Variants in ANXA8 observed in about 807,000 individuals in gnomAD.
ANXA8 encodes the protein VAC-beta.
ANXA8 carries 9 observed loss-of-function variants against 26.8 expected under a neutral mutation model. The ratio of observed to expected loss-of-function variants is 0.34; its 90% CI spans 0.20 to 0.59. The LOEUF is 0.59. Ranked by LOEUF, ANXA8 falls within the 20% of genes least tolerant of loss-of-function variation. The probability of loss-of-function intolerance (pLI) is 0.84; values close to 1 mark genes in which losing one functional copy is unlikely to be tolerated. For missense variants in ANXA8, 83 were observed against 238.5 expected (o/e 0.35, Z 4.29); for synonymous variants, 39 against 94.8 (o/e 0.41, Z 3.42).
chr10:47,744,358 C>T, the ANXA8 span, among the ~76,000 whole-genome samples: 6 of 142,936 alleles, frequency 4.2e-5, no homozygotes, highest in Admixed American at 4.3e-4. Context: ...AGAAACGGCA[C>T]ATCCTCCCGG....
the ANXA8 span, chr10:47,706,904 T>A: frequency 1.8e-6 from 1 of 541,778 alleles, no homozygotes; most frequent in African/African-American, 1.9e-5. Flanking sequence ...CCCTTCAGAT[T>A]ATGTTAACTC....
the ANXA8 span, among the ~76,000 whole-genome samples, chr10:47,603,258 AAG>A: frequency 6.7e-6 from 1 of 148,516 alleles, no homozygotes; most frequent in Non-Finnish European, 1.5e-5. Context: ...AAAGGAGAAT[AAG>A]AGATTCTAAA....
chr10:47,469,245 G>T (rs1260643664), intron 11 of ANXA8, among the ~76,000 whole-genome samples: 22 of 123,820 alleles, frequency 1.8e-4, no homozygotes, highest in Admixed American at 1.3e-3. Flanking sequence ...TTACACAACA[G>T]GATGCATCAT....
chr10:47,901,758 A>C, the ANXA8 span, among the ~76,000 whole-genome samples: 1 of 143,626 alleles, frequency 7.0e-6, no homozygotes, highest in Non-Finnish European at 1.5e-5. Flanking sequence ...TTCTCAAATA[A>C]ATTATTTTTT....
At chr10:47,607,537 C>G in the ANXA8 span, among the ~76,000 whole-genome samples, 1 of 143,318 alleles carries the variant, frequency 7.0e-6, no homozygotes, top group Non-Finnish European at 1.5e-5. Context: ...TACAATCATC[C>G]ATTACTTTAT....
At chr10:47,558,260 G>A in the ANXA8 span, among the ~76,000 whole-genome samples, 1 of 151,824 alleles carries the variant, frequency 6.6e-6, no homozygotes, top group Non-Finnish European at 1.5e-5. Context: ...AACGTCATGG[G>A]TGGTGTGTCT....
the ANXA8 span, among the ~76,000 whole-genome samples, chr10:47,679,042 CA>C: frequency 0.022 from 1,451 of 64,642 alleles, no homozygotes; most frequent in Admixed American, 0.025. Context: ...GAACCTATCT[CA>C]AAAAAAAAAA....
At chr10:47,560,440 C>T in the ANXA8 span, among the ~76,000 whole-genome samples, 6 of 151,666 alleles carry the variant, frequency 4.0e-5, no homozygotes, top group East Asian at 7.8e-4. Context: ...TACCACTTCC[C>T]GTGAATTTAT....
At chr10:47,743,345 T>TATATATAC in the ANXA8 span, among the ~76,000 whole-genome samples, 6 of 96,544 alleles carry the variant, frequency 6.2e-5, 1 homozygote, top group African/African-American at 2.2e-4. Context: ...TATATACATA[T>TATATATAC]ATATATATAC....
the ANXA8 span, among the ~76,000 whole-genome samples, chr10:47,989,390 T>C: frequency 1.6e-4 from 19 of 119,658 alleles, no homozygotes; most frequent in African/African-American, 2.6e-4. Context: ...CTGAGGAGCA[T>C]GCAGTCCCGC....
At chr10:47,615,688 G>A in the ANXA8 span, among the ~76,000 whole-genome samples, 3 of 71,248 alleles carry the variant, frequency 4.2e-5, 1 homozygote, top group Non-Finnish European at 7.1e-5. Flanking sequence ...CAGTAGGATT[G>A]GCTGAAGACT....
At chr10:47,676,258 A>G in the ANXA8 span, among the ~76,000 whole-genome samples, 1 of 151,914 alleles carries the variant, frequency 6.6e-6, no homozygotes, top group Non-Finnish European at 1.5e-5. Flanking sequence ...GGCAGAAGAC[A>G]TATTTGAAGA....
At chr10:47,953,551 C>A in the ANXA8 span, among the ~76,000 whole-genome samples, 11 of 150,746 alleles carry the variant, frequency 7.3e-5, 1 homozygote, top group Admixed American at 7.3e-4. Flanking sequence ...CTATACAAAC[C>A]AGAAATTTCC....
chr10:47,699,967 C>T, the ANXA8 span, among the ~76,000 whole-genome samples: 1 of 151,490 alleles, frequency 6.6e-6, no homozygotes, highest in Non-Finnish European at 1.5e-5. Flanking sequence ...ATATGCAAAG[C>T]CTATATGAGG....
chr10:47,621,291 A>G, the ANXA8 span, among the ~76,000 whole-genome samples: 1 of 110,210 alleles, frequency 9.1e-6, no homozygotes, highest in East Asian at 2.2e-4. Context: ...GTAGAGACCC[A>G]TCATTTAATG....
the ANXA8 span, chr10:47,599,515 T>C: frequency 6.8e-6 from 1 of 147,908 alleles, no homozygotes; most frequent in Non-Finnish European, 1.5e-5. Flanking sequence ...AATCAAAACA[T>C]TTAAGCAATA....
At chr10:47,974,210 G>C in the ANXA8 span, among the ~76,000 whole-genome samples, 2 of 149,902 alleles carry the variant, frequency 1.3e-5, no homozygotes, top group African/African-American at 4.9e-5. Flanking sequence ...TGCTGACTAA[G>C]CTGCAGTATC....
At chr10:47,640,651 C>T in the ANXA8 span, among the ~76,000 whole-genome samples, 2 of 111,256 alleles carry the variant, frequency 1.8e-5, no homozygotes, top group African/African-American at 4.4e-5. Flanking sequence ...TCATACAGAT[C>T]ACAAATACAT....
the ANXA8 span, chr10:47,706,687 G>A: frequency 4.4e-6 from 6 of 1,376,064 alleles, 2 homozygotes; most frequent in Non-Finnish European, 6.1e-6. Flanking sequence ...GTTTTTCGAA[G>A]GATGATTTTG....
Sources: gnomAD v4.1 joint callset for allele counts (sites outside exome capture counted in the v4.1 genomes callset) on GRCh38, gnomAD v4.1.1 for gene constraint, MANE v1.5 for transcripts, NCBI Gene and HGNC (gene_info 2026-07-23, HGNC 2026-07-21) for gene names.